The following CFAP47 variants were observed in gnomAD, a reference collection of about 807,000 sequenced individuals.
CFAP47 encodes cilia and flagella associated protein 47.
Under a neutral mutation model 148.1 loss-of-function variants are expected in CFAP47, and 29 were observed. The observed-to-expected ratio is 0.20, with a 90% CI of 0.15 to 0.27. The LOEUF is 0.27. CFAP47 is among the 10% of genes least tolerant of loss of function. The pLI is 1.00. For synonymous variants in CFAP47, 664 were observed against 577.3 expected (o/e 1.15, Z -2.15); for missense variants, 1,872 against 1,697.5 (o/e 1.10, Z -1.81).
intron 30 of CFAP47, among the ~76,000 whole-genome samples, chrX:36,097,613 T>C (rs1309519187): frequency 2.7e-5 from 3 of 111,455 alleles, no homozygotes; most frequent in Non-Finnish European, 5.7e-5. Flanking sequence ...AAGTCTACTG[T>C]CAGACATATC....
chrX:36,112,083 T>G (rs73472807), intron 33 of CFAP47, among the ~76,000 whole-genome samples: 1 of 111,441 alleles, frequency 9.0e-6, no homozygotes, highest in Non-Finnish European at 1.9e-5. Flanking sequence ...AATGGTTTTT[T>G]GTGCCTCAAT....
chrX:35,938,659 T>C lies in CFAP47; in HGVS notation c.402-2624T>C, dbSNP rs1935953311. On this transcript the variant is annotated intron_variant, in intron 2 of 63. Coordinates refer to ENST00000378653, the MANE Select transcript of CFAP47 (RefSeq NM_001304548.2). ...TATCCCTATTTAAAATTTTTTGATA[T>C]GGATGCTGAGAGAAGTTGTCTCCAT... 2.7e-5 allele frequency among the ~76,000 whole-genome samples: 3 copies of C among 111,728 alleles called. No homozygotes were observed. In the Middle Eastern group the frequency reaches 0.014, roughly 522 times the overall value.
intron 27 of CFAP47, among the ~76,000 whole-genome samples, chrX:36,070,431 C>G (rs1336785629): frequency 9.3e-6 from 1 of 108,034 alleles, no homozygotes; most frequent in Admixed American, 1.0e-4. Context: ...GAGGCTTGGA[C>G]AATGGACCAT....
intron 63 of CFAP47, 192 bp downstream of exon 63, chrX:36,379,710 A>G (rs1397689577): frequency 7.6e-6 from 3 of 396,599 alleles, no homozygotes; most frequent in African/African-American, 5.1e-5. Flanking sequence ...TAAGTATGGT[A>G]TATAACAAAC....
At chrX:36,362,513 A>G (rs1452087639) in intron 61 of CFAP47, among the ~76,000 whole-genome samples, 1 of 112,510 alleles carries the variant, frequency 8.9e-6, no homozygotes, top group Non-Finnish European at 1.9e-5. Context: ...ACATGGTTTC[A>G]TTCTTTTTCA....
At chrX:36,147,092 G>T (rs1226311425) in intron 36 of CFAP47, among the ~76,000 whole-genome samples, 1 of 111,688 alleles carries the variant, frequency 9.0e-6, no homozygotes, top group Non-Finnish European at 1.9e-5. Flanking sequence ...TAGAAACATA[G>T]ACTGCTAGAA....
chrX:36,334,431 C>T (rs1274308019), intron 57 of CFAP47, among the ~76,000 whole-genome samples: 1 of 111,144 alleles, frequency 9.0e-6, no homozygotes. Context: ...ATGTTTTTGT[C>T]TTCTAAATTA....
At chrX:36,267,936 C>G (rs1940913958) in intron 49 of CFAP47, among the ~76,000 whole-genome samples, 3 of 112,818 alleles carry the variant, frequency 2.7e-5, no homozygotes, top group Admixed American at 1.9e-4. Flanking sequence ...AGCCTATGCT[C>G]TGATGTTTCA....
At chrX:36,253,333 T>C (rs782728886) in intron 49 of CFAP47, among the ~76,000 whole-genome samples, 40 of 111,571 alleles carry the variant, frequency 3.6e-4, no homozygotes, top group South Asian at 7.4e-4. Context: ...GTTGTCCCAT[T>C]ATGCTTTGGA....
rs781858468 is a variant in CFAP47 at position 36,361,496 on chromosome X, A to G, written c.9018A>G (p.Pro3006=). ...ATCTGGTATTCACACCAAAGAAACC[A>G]TTAAGGTAAATCTACTTTCCTCTTT... ...IFNLVFTPKK[P]LRSHITLKIE... The change falls in exon 61 of 64, where the codon CCA becomes CCG. Residue 3006 remains proline (P), a synonymous_variant. Transcript: ENST00000378653. 17 of 980,655 alleles carry G rather than the reference A, an allele frequency of 1.7e-5. No individual in the cohort carries two copies. In the South Asian group the frequency reaches 4.2e-4, roughly 24 times the overall value. 80.8% of individuals were successfully genotyped at this position (980,655 alleles called of 1,213,427 possible).
At position 36,317,575 on chromosome X, in the gene CFAP47, A is replaced by AT. The variant is rs782049017; in HGVS notation, c.8345-1618dup. On this transcript the variant is annotated intron_variant, in intron 56 of 63. Transcript: ENST00000378653. ...CAGGCGCCCACCACCACACCCAGCT[A>AT]TTTTTTTTTTTTTTTTGTATTTTTA... is the stretch of plus-strand genomic sequence containing the variant. Among the ~76,000 whole-genome samples the AT allele has an allele frequency of 4.7e-3, 413 of 88,624 alleles. 4 individuals carry two copies. Among genetic ancestry groups the AT allele is most frequent in the South Asian group, 0.012 (23 of 1,860 alleles). 77.0% of individuals were successfully genotyped at this position (88,624 alleles called of 115,157 possible).
At chrX:36,091,855 A>G (rs1463613525) in intron 30 of CFAP47, among the ~76,000 whole-genome samples, 1 of 111,387 alleles carries the variant, frequency 9.0e-6, no homozygotes, top group Non-Finnish European at 1.9e-5. Context: ...CTTCTCTGTA[A>G]TCACAAGACT....
At chrX:36,371,683 T>G (rs5006773) in intron 62 of CFAP47, among the ~76,000 whole-genome samples, 1 of 64,853 alleles carries the variant, frequency 1.5e-5, no homozygotes, top group African/African-American at 1.0e-4. Flanking sequence ...TGTGTATATA[T>G]GTGTGTATAT....
At chrX:35,940,288 T>C (rs1170409267) in intron 2 of CFAP47, among the ~76,000 whole-genome samples, 1 of 111,471 alleles carries the variant, frequency 9.0e-6, no homozygotes, top group Non-Finnish European at 1.9e-5. Context: ...GTGCAGAAGC[T>C]CTTGAGTTTA....
chrX:36,119,432 G>A (rs1473040644), intron 33 of CFAP47, among the ~76,000 whole-genome samples: 1 of 111,592 alleles, frequency 9.0e-6, no homozygotes, highest in Non-Finnish European at 1.9e-5. Context: ...GATTAATGCT[G>A]TTTTTAATGT....
At chrX:36,025,324 A>C (rs1038481546) in intron 22 of CFAP47, among the ~76,000 whole-genome samples, 1 of 111,288 alleles carries the variant, frequency 9.0e-6, no homozygotes, top group African/African-American at 3.3e-5. Flanking sequence ...AATCTTATTA[A>C]TGTTGACTTA....
At chrX:36,070,029 T>A (rs1419035764) in intron 27 of CFAP47, among the ~76,000 whole-genome samples, 1 of 111,783 alleles carries the variant, frequency 8.9e-6, no homozygotes, top group Non-Finnish European at 1.9e-5. Flanking sequence ...AATAATTTTA[T>A]CATTGAGTTC....
intron 46 of CFAP47, among the ~76,000 whole-genome samples, chrX:36,232,007 C>T (rs1456242363): frequency 9.0e-5 from 10 of 111,105 alleles, no homozygotes; most frequent in Admixed American, 7.6e-4. Context: ...CTGCTGGATT[C>T]GGTTTGCTAG....
At chrX:35,947,821 A>G (rs1322749650) in intron 3 of CFAP47, among the ~76,000 whole-genome samples, 1 of 112,012 alleles carries the variant, frequency 8.9e-6, no homozygotes, top group Non-Finnish European at 1.9e-5. Context: ...TAGATTATTT[A>G]CGGAAATTAA....
Sources: gnomAD v4.1 joint callset for allele counts (sites outside exome capture counted in the v4.1 genomes callset) on GRCh38, gnomAD v4.1.1 for gene constraint, MANE v1.5 for transcripts, NCBI Gene and HGNC (gene_info 2026-07-23, HGNC 2026-07-21) for gene names.